Variants in NEK1 observed in about 807,000 individuals in gnomAD.
The protein encoded by NEK1 is serine/threonine-protein kinase Nek1.
NEK1 carries 137 observed loss-of-function variants against 182.1 expected under a neutral mutation model. The ratio of observed to expected loss-of-function variants is 0.75; its 90% confidence interval spans 0.65 to 0.87. The LOEUF is 0.87. Ranked by LOEUF, NEK1 falls within the 40% of genes least tolerant of loss-of-function variation. NEK1 has a pLI of 0.00. For missense variants in NEK1, 1,391 were observed against 1,494.4 expected (o/e 0.93, Z 1.14); for synonymous variants, 513 against 492.2 (o/e 1.04, Z -0.56).
intron 35 of NEK1, 47 bp downstream of exon 35, chr4:169,400,178 T>C: frequency 6.5e-7 from 1 of 1,538,698 alleles, no homozygotes; most frequent in Non-Finnish European, 8.8e-7. Context: ...TCATCTTGTT[T>C]TTCTCACATT....
intron 26 of NEK1, among the ~76,000 whole-genome samples, chr4:169,469,079 T>G (rs1483962774): frequency 6.6e-6 from 1 of 152,216 alleles, no homozygotes. Context: ...CTGGATTCAC[T>G]GATTTTTTTT....
At chr4:169,494,782 T>C (rs1046617236) in intron 23 of NEK1, among the ~76,000 whole-genome samples, 8 of 152,226 alleles carry the variant, frequency 5.3e-5, no homozygotes, top group African/African-American at 1.2e-4. Context: ...TTTTTAGTGA[T>C]TGCCATTCTA....
At chr4:169,608,116 T>C (rs28691893) in intron 2 of NEK1, among the ~76,000 whole-genome samples, 44 of 148,100 alleles carry the variant, frequency 3.0e-4, no homozygotes, top group South Asian at 2.4e-3. Flanking sequence ...CACACACACA[T>C]ACACACACAC....
intron 12 of NEK1, among the ~76,000 whole-genome samples, chr4:169,569,617 G>A (rs915390380): frequency 9.9e-5 from 15 of 151,746 alleles, no homozygotes; most frequent in Admixed American, 3.9e-4. Context: ...TCAGCCTGCC[G>A]AGTGCCTGCG....
At chr4:169,400,140 G>T in intron 35 of NEK1, 85 bp downstream of exon 35, 1 of 1,277,036 alleles carries the variant, frequency 7.8e-7, no homozygotes, top group Non-Finnish European at 1.1e-6. Flanking sequence ...CAAAATGGAT[G>T]TGATGTAAGC....
At chr4:169,482,017 T>C (rs1165138235) in intron 23 of NEK1, among the ~76,000 whole-genome samples, 1 of 152,256 alleles carries the variant, frequency 6.6e-6, no homozygotes, top group Non-Finnish European at 1.5e-5. Flanking sequence ...GATAATGTAC[T>C]GCAGTTTCTC....
chr4:169,481,718 G>C (rs1377151104), intron 23 of NEK1, among the ~76,000 whole-genome samples: 31 of 152,102 alleles, frequency 2.0e-4, no homozygotes, highest in Admixed American at 2.0e-3. Context: ...AAATAGAATA[G>C]ATTTAGCATA....
chr4:169,470,176 T>C (rs1230738361), intron 26 of NEK1, among the ~76,000 whole-genome samples: 1 of 152,210 alleles, frequency 6.6e-6, no homozygotes, highest in Non-Finnish European at 1.5e-5. Flanking sequence ...CATATGATGC[T>C]AGCTGGTTAC....
chr4:169,586,948 TG>T (rs1463784599), intron 9 of NEK1, among the ~76,000 whole-genome samples: 1 of 152,030 alleles, frequency 6.6e-6, no homozygotes, highest in Non-Finnish European at 1.5e-5. Flanking sequence ...TCTGAAGTTT[TG>T]TGTAATGAAA....
intron 27 of NEK1, among the ~76,000 whole-genome samples, chr4:169,451,269 C>T (rs1367631118): frequency 6.6e-6 from 1 of 152,166 alleles, no homozygotes; most frequent in African/African-American, 2.4e-5. Context: ...CTGAACTCAG[C>T]TCTGCAATAA....
intron 18 of NEK1, among the ~76,000 whole-genome samples, chr4:169,545,720 C>T (rs1031094752): frequency 5.9e-5 from 9 of 151,450 alleles, no homozygotes; most frequent in African/African-American, 2.2e-4. Context: ...CTGTTGTTTC[C>T]TGACTTTTTA....
intron 23 of NEK1, among the ~76,000 whole-genome samples, chr4:169,503,692 T>C (rs1054093278): frequency 2.0e-5 from 3 of 152,196 alleles, no homozygotes; most frequent in Admixed American, 2.0e-4. Context: ...ACTAGACTCC[T>C]ATCTTTTGCC....
rs767640659 is a variant in NEK1 at position 169,589,439 on chromosome 4, C to T, written c.464+8G>A. On this transcript the variant is annotated splice_region_variant and intron_variant, in intron 7 of 35. Coordinates refer to ENST00000507142, the MANE Select transcript of NEK1 (RefSeq NM_001199397.3). ...TTATATCAAAACAAAGTTTAAAATT[C>T]ATGTTACCTATTAAGAACTCTAGCA... is the stretch of plus-strand genomic sequence containing the variant. 5.6e-6 allele frequency: 8 copies of T among 1,440,384 alleles called. No individual in the cohort carries two copies. Among genetic ancestry groups the T allele is most frequent in the Middle Eastern group, 3.4e-4 (2 of 5,804 alleles). The allele number at this position is 1,440,384 out of a possible 1,614,324, so 89.2% of individuals were successfully genotyped here. A position where few individuals can be genotyped will look rare whatever the true frequency, so the allele number is the denominator to read the frequency against.
intron 18 of NEK1, among the ~76,000 whole-genome samples, chr4:169,539,581 T>C (rs941699624): frequency 6.6e-6 from 1 of 152,046 alleles, no homozygotes; most frequent in African/African-American, 2.4e-5. Flanking sequence ...ATTAATAAGG[T>C]ATATCTGGTC....
At chr4:169,476,794 A>T (rs1205486750) in intron 26 of NEK1, among the ~76,000 whole-genome samples, 7 of 152,126 alleles carry the variant, frequency 4.6e-5, no homozygotes, top group Non-Finnish European at 4.4e-5. Flanking sequence ...GGTTCTCATC[A>T]AGAATTATTC....
At chr4:169,410,219 T>C (rs369714537) in intron 31 of NEK1, among the ~76,000 whole-genome samples, 6 of 152,148 alleles carry the variant, frequency 3.9e-5, no homozygotes, top group African/African-American at 1.2e-4. Context: ...GATTGTTACA[T>C]GATAATTTAC....
chr4:169,588,916 A>AT (rs892504824), intron 7 of NEK1, among the ~76,000 whole-genome samples, 181 bp from the exon 8 acceptor site: 5 of 152,058 alleles, frequency 3.3e-5, no homozygotes, highest in African/African-American at 1.2e-4. Flanking sequence ...CAATTACTTT[A>AT]TTTTTTAATA....
At chr4:169,593,250 TTC>T (rs1768839575) in intron 5 of NEK1, among the ~76,000 whole-genome samples, 1 of 152,190 alleles carries the variant, frequency 6.6e-6, no homozygotes. Context: ...GCCAGATGGT[TTC>T]TGTCTCAACT....
chr4:169,466,859 CA>C (rs1745022321), intron 26 of NEK1, among the ~76,000 whole-genome samples: 1 of 65,956 alleles, frequency 1.5e-5, no homozygotes, highest in African/African-American at 5.7e-5. Context: ...GGATTTATAG[CA>C]TAAAAAAAAA....
Sources: allele counts gnomAD v4.1 joint callset (sites outside exome capture counted in the v4.1 genomes callset), GRCh38; gene constraint gnomAD v4.1.1; transcripts MANE v1.5; gene names NCBI Gene and HGNC (gene_info 2026-07-23, HGNC 2026-07-21).